Variants in LMBRD2 observed in about 807,000 individuals in gnomAD.
The protein encoded by LMBRD2 is G protein-coupled receptor-associated protein LMBRD2.
In LMBRD2, 55 loss-of-function variants were observed where a neutral mutation model predicts 94.4. That is an observed-to-expected ratio of 0.58 (90% CI 0.47 to 0.73). The LOEUF is 0.73. Among genes scored for constraint, LMBRD2 ranks in the 30% least tolerant of loss-of-function variants. The pLI is 0.00. For synonymous variants in LMBRD2, 246 were observed against 272.4 expected, an observed-to-expected ratio of 0.90 and a Z score of 0.95; for missense variants, 640 against 831.9, an observed-to-expected ratio of 0.77 and a Z score of 2.84.
chr5:36,140,946 T>G (rs573045895), intron 4 of LMBRD2, 161 bp downstream of exon 4: 42 of 521,706 alleles, frequency 8.1e-5, no homozygotes, highest in Non-Finnish European at 1.3e-4. Flanking sequence ...TAGTAGACAG[T>G]GGATAACTAT....
At chr5:36,116,150 T>A (rs1451031833) in intron 11 of LMBRD2, among the ~76,000 whole-genome samples, 1 of 152,162 alleles carries the variant, frequency 6.6e-6, no homozygotes, top group Non-Finnish European at 1.5e-5. Context: ...TAGAACACCA[T>A]CTAGGTCTGA....
intron 4 of LMBRD2, among the ~76,000 whole-genome samples, chr5:36,139,760 T>C (rs1206901844): frequency 6.6e-6 from 1 of 152,062 alleles, no homozygotes; most frequent in Non-Finnish European, 1.5e-5. Flanking sequence ...GGGGCTCCTC[T>C]CCACTGAGAG....
chr5:36,143,143 T>G (rs1744458083), intron 2 of LMBRD2, 33 bp downstream of exon 2: 1 of 1,470,348 alleles, frequency 6.8e-7, no homozygotes, highest in African/African-American at 1.4e-5. Context: ...AAAATTTGTC[T>G]TTTAAATTGT....
intron 17 of LMBRD2, among the ~76,000 whole-genome samples, chr5:36,104,527 G>A (rs917456246): frequency 6.6e-6 from 1 of 151,976 alleles, no homozygotes; most frequent in Non-Finnish European, 1.5e-5. Flanking sequence ...ATGGCTAAAA[G>A]TACAGACTCT....
intron 17 of LMBRD2, among the ~76,000 whole-genome samples, chr5:36,104,474 C>T (rs147119081): frequency 1.4e-4 from 21 of 152,062 alleles, no homozygotes; most frequent in African/African-American, 5.1e-4. Context: ...CATTTTCGTG[C>T]ACATGATATT....
chr5:36,108,536 C>A lies in LMBRD2; in HGVS notation c.1895G>T (p.Arg632Leu). 4 of 1,508,160 alleles carry A rather than the reference C, an allele frequency of 2.7e-6. No homozygotes were observed. The highest frequency in any genetic ancestry group is 3.6e-6 in the Non-Finnish European group (4 of 1,100,326). The allele number at this position is 1,508,160 out of a possible 1,614,324, so 93.4% of individuals were successfully genotyped here. ...GAACTAGAAGATAAACTACTTACAACGGTTGGTATTAACATCTGAGAAGTT... is the reference window on the plus strand; with the variant it reads ...GAACTAGAAGATAAACTACTTACAAAGGTTGGTATTAACATCTGAGAAGTT... ...ESNFSDVNTN[R>L]SAFKYTRANN... Residue 632 changes from arginine (R) to leucine (L), a missense_variant and splice_region_variant, in exon 16 of 18, where the codon CGT becomes CTT. Around this residue, in one of 2 missense-constraint regions of LMBRD2, gnomAD observed 183 missense variants for 189.1 expected, o/e 0.97. Coordinates refer to ENST00000296603, the MANE Select transcript of LMBRD2 (RefSeq NM_001007527.2).
intron 16 of LMBRD2, among the ~76,000 whole-genome samples, chr5:36,107,539 C>T (rs62353815): frequency 6.6e-6 from 1 of 152,224 alleles, no homozygotes. Context: ...TTGAATCACT[C>T]AACCTATAGT....
intron 1 of LMBRD2, among the ~76,000 whole-genome samples, chr5:36,145,259 T>A (rs1248926700): frequency 6.6e-6 from 1 of 152,244 alleles, no homozygotes; most frequent in African/African-American, 2.4e-5. Context: ...AATGTAAAAC[T>A]CGTGTAATGG....
At chr5:36,110,345 C>G (rs1743575038) in intron 14 of LMBRD2, among the ~76,000 whole-genome samples, 1 of 151,970 alleles carries the variant, frequency 6.6e-6, no homozygotes, top group African/African-American at 2.4e-5. Context: ...TTCCTTGTTA[C>G]TCTCTTTAGG....
chr5:36,106,603 G>A (rs1193599864), intron 16 of LMBRD2, among the ~76,000 whole-genome samples: 1 of 144,138 alleles, frequency 6.9e-6, no homozygotes, highest in African/African-American at 2.6e-5. Context: ...TCCTCCTCCT[G>A]AGTTCAAGTA....
At chr5:36,123,061 C>T in intron 7 of LMBRD2, 100 bp from the exon 8 acceptor site, 1 of 1,179,692 alleles carries the variant, frequency 8.5e-7, no homozygotes, top group South Asian at 2.0e-5. Flanking sequence ...TTCTAATTTT[C>T]TCAAAAACAT....
chr5:36,125,313 T>C (rs976580423), intron 6 of LMBRD2, among the ~76,000 whole-genome samples: 2 of 152,158 alleles, frequency 1.3e-5, no homozygotes, highest in African/African-American at 4.8e-5. Flanking sequence ...TAGAAGAACA[T>C]TCTGGGGCAT....
intron 1 of LMBRD2, among the ~76,000 whole-genome samples, chr5:36,150,422 T>C (rs1330095328): frequency 6.6e-6 from 1 of 152,244 alleles, no homozygotes; most frequent in Non-Finnish European, 1.5e-5. Context: ...CATTATGGCA[T>C]CTTAAATATT....
chr5:36,105,237 C>T, intron 16 of LMBRD2, 40 bp from the exon 17 acceptor site: 1 of 1,599,692 alleles, frequency 6.3e-7, no homozygotes, highest in Non-Finnish European at 8.5e-7. Context: ...TCCCTACTGT[C>T]TTTTAACTTA....
At position 36,111,207 on chromosome 5, in the gene LMBRD2, A is replaced by C. The variant is rs777234606; in HGVS notation, c.1692T>G (p.Asp564Glu). 1 of 1,612,166 alleles carries C rather than the reference A, an allele frequency of 6.2e-7. No homozygotes were observed. Among genetic ancestry groups the C allele is most frequent in the Non-Finnish European group, 8.5e-7 (1 of 1,178,848 alleles). Reference sequence around the variant, plus strand: ...TAACTAAGTCTGATGTCATATCATCATCTCCCATAAACTGCTGGAAACCGA... The same window carrying C: ...TAACTAAGTCTGATGTCATATCATCCTCTCCCATAAACTGCTGGAAACCGA... Reference protein sequence around the residue: ...NLLGFQQFMGDDDMTSDLVNE... With the variant: ...NLLGFQQFMGEDDMTSDLVNE... The change falls in exon 14 of 18, where the codon GAT becomes GAG. Residue 564 changes from aspartate (D) to glutamate (E), a missense_variant. Asp to Glu is a conservative substitution (Grantham distance 45). This residue lies in a region of LMBRD2 where 183 missense variants were observed against 189.1 expected (regional missense o/e 0.97). Coordinates refer to ENST00000296603, the MANE Select transcript of LMBRD2 (RefSeq NM_001007527.2).
At chr5:36,139,976 C>T (rs1744364790) in intron 4 of LMBRD2, among the ~76,000 whole-genome samples, 1 of 152,234 alleles carries the variant, frequency 6.6e-6, no homozygotes, top group Non-Finnish European at 1.5e-5. Context: ...AGGGCTGAAA[C>T]ATGGCCCTGC....
chr5:36,122,997 A>T (rs767226536), intron 7 of LMBRD2, 36 bp from the exon 8 acceptor site: 15 of 1,433,698 alleles, frequency 1.0e-5, no homozygotes, highest in South Asian at 1.6e-5. Context: ...TAAAAATCTT[A>T]ATTGTAAAAA....
intron 10 of LMBRD2, 67 bp from the exon 11 acceptor site, chr5:36,116,660 G>T: frequency 1.4e-6 from 2 of 1,439,464 alleles, no homozygotes; most frequent in South Asian, 2.4e-5. Context: ...ACAATTACAG[G>T]CATTATCCTT....
At chr5:36,123,104 T>C in intron 7 of LMBRD2, 143 bp from the exon 8 acceptor site, 1 of 832,554 alleles carries the variant, frequency 1.2e-6, no homozygotes. Flanking sequence ...TAGTTAGACT[T>C]CATTTGCTGA....
Sources: gnomAD v4.1 joint callset for allele counts (sites outside exome capture counted in the v4.1 genomes callset) on GRCh38, gnomAD v4.1.1 for gene constraint, gnomAD v4.1.1 regional missense constraint, MANE v1.5 for transcripts, NCBI Gene and HGNC (gene_info 2026-07-23, HGNC 2026-07-21) for gene names.